The following PI4KA variants were observed in gnomAD, a reference collection of about 807,000 sequenced individuals.
PI4KA encodes phosphatidylinositol 4-kinase alpha.
A neutral mutation model predicts 271.4 loss-of-function variants in PI4KA; 122 were observed. The ratio of observed to expected loss-of-function variants is 0.45; its 90% CI spans 0.39 to 0.52. The LOEUF (loss-of-function observed/expected upper bound fraction) is 0.52. Ranked by LOEUF, PI4KA falls within the 20% of genes least tolerant of loss-of-function variation. The probability of loss-of-function intolerance (pLI) is 0.00; values close to 1 mark genes in which losing one functional copy is unlikely to be tolerated. For missense variants in PI4KA, 1,969 were observed against 2,769.1 expected (o/e 0.71, Z 6.48); for synonymous variants, 1,041 against 1,078.8 (o/e 0.96, Z 0.69).
chr22:20,718,083 C>T (rs986681959), intron 44 of PI4KA, among the ~76,000 whole-genome samples: 32 of 152,230 alleles, frequency 2.1e-4, no homozygotes, highest in Admixed American at 1.4e-3. Context: ...ACGCTAGCTC[C>T]CGTCCTTCAT....
At chr22:20,738,175 A>G (rs947044114) in intron 32 of PI4KA, among the ~76,000 whole-genome samples, 13 of 152,062 alleles carry the variant, frequency 8.5e-5, no homozygotes, top group African/African-American at 2.9e-4. Context: ...CTGGGCCCAC[A>G]CAGGAGTGAG....
At chr22:20,843,871 TCC>T (rs1925911319) in intron 1 of PI4KA, among the ~76,000 whole-genome samples, 4 of 152,230 alleles carry the variant, frequency 2.6e-5, no homozygotes, top group Non-Finnish European at 5.9e-5. Context: ...CAGTGCACAC[TCC>T]CAGCCCCAAA....
In PI4KA at chr22:20,744,709, C is replaced by G; in HGVS notation, c.3375G>C (p.Leu1125=). The change falls in exon 30 of 55, where the codon CTG becomes CTC. Residue 1125 remains leucine, a synonymous_variant. Transcript: ENST00000255882. Reference sequence around the variant, plus strand: ...TCTTCACACAGGCCGGGCGCTCGCTCAGCTGAGTTGCCTACAGACAGATAA... The same window carrying G: ...TCTTCACACAGGCCGGGCGCTCGCTGAGCTGAGTTGCCTACAGACAGATAA... ...KQNTTLGATQ[L]SERPACVKKD... 1 of 1,613,956 alleles carries G rather than the reference C, an allele frequency of 6.2e-7. No individual in the cohort carries two copies. The highest frequency in any genetic ancestry group is 2.2e-5 in the East Asian group (1 of 44,888).
At chr22:20,743,748 G>C (rs1929734313) in intron 30 of PI4KA, among the ~76,000 whole-genome samples, 1 of 152,154 alleles carries the variant, frequency 6.6e-6, no homozygotes, top group Non-Finnish European at 1.5e-5. Context: ...AGAGTCACCA[G>C]GGAGCTTAGA....
chr22:20,740,336 G>A (rs1213263848), intron 32 of PI4KA, among the ~76,000 whole-genome samples: 1 of 150,896 alleles, frequency 6.6e-6, no homozygotes, highest in Non-Finnish European at 1.5e-5. Context: ...AGAGAATGTC[G>A]ATGATCTATG....
intron 4 of PI4KA, 95 bp from the exon 5 acceptor site, chr22:20,820,706 A>T (rs1443347546): frequency 2.9e-5 from 25 of 850,362 alleles, no homozygotes; most frequent in Non-Finnish European, 4.8e-5. Flanking sequence ...TTCAGACATT[A>T]TCTTAACCAA....
At chr22:20,733,873 C>T in intron 34 of PI4KA, 30 bp from the exon 35 acceptor site, 1 of 1,612,040 alleles carries the variant, frequency 6.2e-7, no homozygotes, top group Non-Finnish European at 8.5e-7. Flanking sequence ...CCAGTTAGAG[C>T]AGGAGCCTGG....
rs552420073 is a variant in PI4KA at position 20,812,372 on chromosome 22, C to A, written c.1005+986G>T. Among the ~76,000 whole-genome samples, 9 of 152,322 alleles carry A rather than the reference C, an allele frequency of 5.9e-5. No individual in the cohort carries two copies. In the South Asian group the frequency reaches 1.0e-3, roughly 18 times the overall value. On this transcript the variant is annotated intron_variant, in intron 8 of 54. Transcript: ENST00000255882. ...TCTCTGAGGGATTTCTATTCACACT[C>A]CACACAGCAGGGAGGTGGCCACTCC...
chr22:20,793,489 A>G, intron 18 of PI4KA: 1 of 421,596 alleles, frequency 2.4e-6, no homozygotes, highest in Non-Finnish European at 4.3e-6. Context: ...GTACTTCTGC[A>G]TAATTAGATA....
At chr22:20,756,498 G>C (rs1200633405) in intron 23 of PI4KA, among the ~76,000 whole-genome samples, 2 of 152,160 alleles carry the variant, frequency 1.3e-5, no homozygotes, top group East Asian at 1.9e-4. Context: ...GGGATTACAG[G>C]CGTGAGCCAC....
chr22:20,727,572 A>G, intron 40 of PI4KA, 175 bp from the exon 41 acceptor site: 1 of 683,014 alleles, frequency 1.5e-6, no homozygotes. Flanking sequence ...ATTAGGGTGA[A>G]GTGCATTACA....
At chr22:20,820,633 G>T in intron 4 of PI4KA, 22 bp from the exon 5 acceptor site, 1 of 1,378,484 alleles carries the variant, frequency 7.3e-7, no homozygotes, top group Non-Finnish European at 9.9e-7. Context: ...AAGGAAACAA[G>T]AAAAAAAAAA....
Position 20,765,244 on chromosome 22 carries a change from A to G in PI4KA, c.2438-8T>C, listed in dbSNP as rs1357990111. 1.9e-6 allele frequency: 3 copies of G among 1,598,274 alleles called. No individual in the cohort carries two copies. The highest frequency in any genetic ancestry group is 2.6e-6 in the Non-Finnish European group (3 of 1,170,978). ...ATTCTTCTGGCCAGAGTCCTGCAAT[A>G]AAGTGAACATAAATGAGGAAATCAC... is the stretch of plus-strand genomic sequence containing the variant. On this transcript the variant is annotated splice_polypyrimidine_tract_variant and splice_region_variant and intron_variant, in intron 20 of 54. Transcript: ENST00000255882.
intron 19 of PI4KA, chr22:20,779,264 C>T (rs1245666577): frequency 6.2e-7 from 1 of 1,612,210 alleles, no homozygotes; most frequent in Non-Finnish European, 8.5e-7. Flanking sequence ...ATCAGCCAGG[C>T]CGCCTTTCAC....
At chr22:20,836,472 C>T (rs1924884621) in intron 2 of PI4KA, among the ~76,000 whole-genome samples, 1 of 152,198 alleles carries the variant, frequency 6.6e-6, no homozygotes, top group Non-Finnish European at 1.5e-5. Flanking sequence ...AGGCCTGAAC[C>T]ACATGGCCTC....
intron 19 of PI4KA, among the ~76,000 whole-genome samples, chr22:20,785,152 C>T (rs536970278): frequency 1.3e-5 from 2 of 151,786 alleles, no homozygotes; most frequent in African/African-American, 4.8e-5. Flanking sequence ...TCACTGCAGC[C>T]TCAACCTCCT....
intron 1 of PI4KA, among the ~76,000 whole-genome samples, chr22:20,843,095 C>T (rs1377887213): frequency 1.2e-4 from 12 of 103,498 alleles, no homozygotes; most frequent in Non-Finnish European, 2.1e-4. Flanking sequence ...GAGACTCCGT[C>T]TCAAAAAAAA....
rs867117601 is a variant in PI4KA, at chr22:20,814,768, G to A, written c.857-1262C>T. ...TGTATTAAAAAAAAAAAATGACATA[G>A]CAAATTTTATGTTATGTGTATTTTA... On this transcript the variant is annotated intron_variant, in intron 7 of 54. Transcript: ENST00000255882. Among the ~76,000 whole-genome samples, 32 of 149,596 alleles carry A rather than the reference G, an allele frequency of 2.1e-4. 1 individual carries two copies. Among genetic ancestry groups the A allele is most frequent in the Admixed American group, 6.0e-4 (9 of 14,916 alleles).
At chr22:20,802,833 AAT>A (rs1375498385) in intron 13 of PI4KA, among the ~76,000 whole-genome samples, 1 of 152,208 alleles carries the variant, frequency 6.6e-6, no homozygotes. Context: ...TTAATTAATT[AAT>A]GTTAATTATT....
Sources: gnomAD v4.1 joint callset for allele counts (sites outside exome capture counted in the v4.1 genomes callset) on GRCh38, gnomAD v4.1.1 for gene constraint, MANE v1.5 for transcripts, NCBI Gene and HGNC (gene_info 2026-07-23, HGNC 2026-07-21) for gene names.